DGKD: variants seen among roughly 807,000 people sequenced by gnomAD.
The protein encoded by DGKD is DAG kinase delta.
In DGKD, 68 loss-of-function variants were observed where a neutral mutation model predicts 154.4. That is an observed-to-expected ratio of 0.44 (90% CI 0.36 to 0.54). The LOEUF (loss-of-function observed/expected upper bound fraction) is 0.54. DGKD is among the 20% of genes least tolerant of loss of function. DGKD has a pLI of 0.00. For synonymous variants in DGKD, 693 were observed against 638.0 expected, an observed-to-expected ratio of 1.09 and a Z score of -1.30; for missense variants, 1,343 against 1,593.6, an observed-to-expected ratio of 0.84 and a Z score of 2.68.
In DGKD at chr2:233,468,628, C is replaced by T. The variant is rs111901510; in HGVS notation, c.3555+75C>T. 168 of 1,589,862 alleles carry T rather than the reference C, an allele frequency of 1.1e-4. No homozygotes were observed. The African/African-American group carries it at 1.5e-3, about 14-fold the overall frequency. On this transcript the variant is annotated intron_variant, in intron 29 of 29. Transcript: ENST00000264057. ...CTCCCTTCTCTTCCATCCTCTCCCC[C>T]GACCTGGCCATGTCCCAGCATCACG...
intron 3 of DGKD, among the ~76,000 whole-genome samples, chr2:233,401,671 A>G (rs901681601): frequency 3.3e-5 from 5 of 152,170 alleles, no homozygotes; most frequent in Non-Finnish European, 7.3e-5. Context: ...CTGTAATCCC[A>G]GTGCTTTGGG....
chr2:233,438,439 G>T lies in DGKD; in HGVS notation c.1085+60G>T, dbSNP rs2062770857. The T allele has an allele frequency of 6.7e-7, 1 of 1,494,708 alleles. No homozygotes were observed. Among genetic ancestry groups the T allele is most frequent in the Non-Finnish European group, 8.9e-7 (1 of 1,123,236 alleles). The allele number at this position is 1,494,708 out of a possible 1,614,324, so 92.6% of individuals were successfully genotyped here. A position where few individuals can be genotyped will look rare whatever the true frequency, so the allele number is the denominator to read the frequency against. ...TTTAAAAATTGTGTAGATAGTGTGT[G>T]CTTGTTAAAAAAAAAAAGTTCAAAG... is the stretch of plus-strand genomic sequence containing the variant. On this transcript the variant is annotated intron_variant, in intron 9 of 29. Coordinates refer to ENST00000264057, the MANE Select transcript of DGKD (RefSeq NM_152879.3). This position sits in a 1 kb window ranked among gnomAD's most constrained non-coding sequence, Gnocchi z 4.1.
In DGKD at chr2:233,445,592, T is replaced by G. The variant is rs1476606328; in HGVS notation, c.1195-31T>G. On this transcript the variant is annotated intron_variant, in intron 10 of 29. Coordinates refer to ENST00000264057, the MANE Select transcript of DGKD (RefSeq NM_152879.3). This position sits in a 1 kb window ranked among gnomAD's most constrained non-coding sequence, Gnocchi z 5.5. ...GAAGTGGCCCCTGCCCCCAGGTGTT[T>G]GCCTGCGCATCGTCCCCCATGTTTC... is the stretch of plus-strand genomic sequence containing the variant. The G allele has an allele frequency of 6.4e-7, 1 of 1,572,954 alleles. No homozygotes were observed. Among genetic ancestry groups the G allele is most frequent in the South Asian group, 1.2e-5 (1 of 84,250 alleles).
chr2:233,410,894 C>A (rs992496535), intron 3 of DGKD, among the ~76,000 whole-genome samples: 2 of 152,154 alleles, frequency 1.3e-5, no homozygotes, highest in African/African-American at 4.8e-5. Context: ...TCTTCACAGG[C>A]AAACATGGAT....
chr2:233,380,656 G>A (rs1702845493), intron 1 of DGKD, among the ~76,000 whole-genome samples: 1 of 152,152 alleles, frequency 6.6e-6, no homozygotes, highest in African/African-American at 2.4e-5. Flanking sequence ...CCTGTGAGCA[G>A]TGAGGATGTG....
chr2:233,399,314 G>A (rs972706250), intron 3 of DGKD, among the ~76,000 whole-genome samples: 4 of 152,172 alleles, frequency 2.6e-5, no homozygotes, highest in African/African-American at 9.7e-5. Context: ...AGAGTGGCTT[G>A]GTCACCTCCA....
At chr2:233,461,160 C>T (rs1385123270) in intron 24 of DGKD, among the ~76,000 whole-genome samples, 2 of 152,266 alleles carry the variant, frequency 1.3e-5, no homozygotes, top group Non-Finnish European at 2.9e-5. Context: ...GGTGCGGGTT[C>T]CGCCTGTGAG....
intron 19 of DGKD, among the ~76,000 whole-genome samples, chr2:233,455,830 A>G (rs1036139049): frequency 6.6e-6 from 1 of 152,168 alleles, no homozygotes; most frequent in African/African-American, 2.4e-5. Context: ...TTTCTAGGAA[A>G]ACAAAAGCAT....
At position 233,469,614 on chromosome 2, in the gene DGKD, A is replaced by G; in HGVS notation, c.*154A>G. On this transcript the variant is annotated 3_prime_UTR_variant, in exon 30 of 30. Coordinates refer to ENST00000264057, the MANE Select transcript of DGKD (RefSeq NM_152879.3). ...CATGGTGCTACTTCCTCTGTCAGCT[A>G]CAGAAAGCCTCCGTGACACCGTCCA... 3.1e-6 allele frequency: 2 copies of G among 646,786 alleles called. No homozygotes were observed. Among genetic ancestry groups the G allele is most frequent in the South Asian group, 3.8e-5 (2 of 52,714 alleles). The allele number at this position is 646,786 out of a possible 1,614,324, so 40.1% of individuals were successfully genotyped here.
intron 1 of DGKD, among the ~76,000 whole-genome samples, chr2:233,369,698 G>A (rs1466154307): frequency 6.6e-6 from 1 of 152,164 alleles, no homozygotes; most frequent in Admixed American, 6.5e-5. Flanking sequence ...TCTGGGGCTG[G>A]CCGTGGGGTG....
chr2:233,398,188 G>C (rs1281727541), intron 3 of DGKD, among the ~76,000 whole-genome samples: 1 of 149,796 alleles, frequency 6.7e-6, no homozygotes, highest in Non-Finnish European at 1.5e-5. Context: ...TGTTGCCCAG[G>C]CTGGAGTGCA....
At chr2:233,466,744 T>C (rs1345082450) in intron 27 of DGKD, among the ~76,000 whole-genome samples, 1 of 152,226 alleles carries the variant, frequency 6.6e-6, no homozygotes, top group Non-Finnish European at 1.5e-5. Context: ...CACTAGAAGA[T>C]TGGCTAAAGA....
chr2:233,371,093 A>G (rs1419330107), intron 1 of DGKD, among the ~76,000 whole-genome samples: 1 of 152,118 alleles, frequency 6.6e-6, no homozygotes, highest in Non-Finnish European at 1.5e-5. Flanking sequence ...TGTGAGTTAA[A>G]TTGCTGGATA....
In DGKD at chr2:233,390,808, A is replaced by G. The variant is rs1465797829; in HGVS notation, c.348+325A>G. 4.6e-5 allele frequency among the ~76,000 whole-genome samples: 7 copies of G among 152,274 alleles called. No homozygotes were observed. The East Asian group carries it at 1.4e-3, about 29-fold the overall frequency. On this transcript the variant is annotated intron_variant, in intron 3 of 29. Coordinates refer to ENST00000264057, the MANE Select transcript of DGKD (RefSeq NM_152879.3). Reference sequence around the variant, plus strand: ...AGTGCAATGGCGTGATCTCCAGCTCACAGCAACTTCCGCCTCCCGAGTTCA... The same window carrying G: ...AGTGCAATGGCGTGATCTCCAGCTCGCAGCAACTTCCGCCTCCCGAGTTCA...
chr2:233,457,283 C>T lies in DGKD; in HGVS notation c.2535C>T (p.Ser845=). 6.5e-7 allele frequency: 1 copy of T among 1,530,324 alleles called. No individual in the cohort carries two copies. The highest frequency in any genetic ancestry group is 8.8e-7 in the Non-Finnish European group (1 of 1,139,116). The allele number at this position is 1,530,324 out of a possible 1,614,324, so 94.8% of individuals were successfully genotyped here. ...GAATTGCTGTCCTTAACATTCCCAG[C>T]TATGCCGGAGGAACCAACTTCTGGG... ...LQGIAVLNIP[S]YAGGTNFWGG... Residue 845 remains serine (S), a synonymous_variant, in exon 21 of 30, where the codon AGC becomes AGT. Transcript: ENST00000264057. The surrounding 1 kb of genome is among the most constrained non-coding windows in gnomAD (Gnocchi z 5.5).
chr2:233,378,330 T>C (rs188745654), intron 1 of DGKD, among the ~76,000 whole-genome samples: 2 of 151,234 alleles, frequency 1.3e-5, no homozygotes, highest in African/African-American at 2.4e-5. Flanking sequence ...GAGAATTGCT[T>C]GAACTGGGGA....
intron 17 of DGKD, among the ~76,000 whole-genome samples, 172 bp downstream of exon 17, chr2:233,451,222 A>ATTT (rs2063280613): frequency 8.8e-6 from 1 of 113,672 alleles, no homozygotes; most frequent in Non-Finnish European, 1.8e-5. Context: ...TTTTTTTTTA[A>ATTT]AAACAAAAAA....
intron 19 of DGKD, 33 bp downstream of exon 19, chr2:233,454,906 T>C (rs1457266635): frequency 7.2e-7 from 1 of 1,385,570 alleles, no homozygotes; most frequent in South Asian, 1.2e-5. Context: ...CGTCTGTCTT[T>C]TGCGTCTTTG....
chr2:233,399,878 A>C (rs574350666), intron 3 of DGKD, among the ~76,000 whole-genome samples: 2 of 152,218 alleles, frequency 1.3e-5, no homozygotes, highest in South Asian at 4.1e-4. Context: ...AGAGCCATGC[A>C]CTGCAGGCGG....
Sources: gnomAD v4.1 joint callset for allele counts (sites outside exome capture counted in the v4.1 genomes callset) on GRCh38, gnomAD v4.1.1 for gene constraint, Gnocchi (gnomAD v3.1) non-coding constraint, MANE v1.5 for transcripts, NCBI Gene and HGNC (gene_info 2026-07-23, HGNC 2026-07-21) for gene names.